Variants in RAP1GAP2 observed in about 807,000 individuals in gnomAD.
RAP1GAP2 encodes rap1 GTPase-activating protein 2.
Under a neutral mutation model 95.0 loss-of-function variants are expected in RAP1GAP2, and 27 were observed. The ratio of observed to expected loss-of-function variants is 0.28; its 90% CI spans 0.21 to 0.39. The LOEUF (loss-of-function observed/expected upper bound fraction) is 0.39. Ranked by LOEUF, RAP1GAP2 falls within the 10% of genes least tolerant of loss-of-function variation. RAP1GAP2 has a pLI of 1.00. For synonymous variants in RAP1GAP2, 373 were observed against 380.9 expected (o/e 0.98, Z 0.24); for missense variants, 771 against 970.0 (o/e 0.79, Z 2.72).
chr17:2,830,631 T>G (rs1324947856), intron 2 of RAP1GAP2, among the ~76,000 whole-genome samples: 1 of 151,776 alleles, frequency 6.6e-6, no homozygotes, highest in East Asian at 1.9e-4. Flanking sequence ...GGAGAATCGC[T>G]TGAACCTGGG....
chr17:2,910,845 C>T (rs774105371), intron 3 of RAP1GAP2, among the ~76,000 whole-genome samples: 17 of 152,144 alleles, frequency 1.1e-4, no homozygotes, highest in Non-Finnish European at 1.0e-4. Flanking sequence ...CCTGCCCCAG[C>T]GCACCACCAC....
intron 9 of RAP1GAP2, 21 bp from the exon 10 acceptor site, chr17:2,981,174 C>T (rs753666291): frequency 8.7e-6 from 14 of 1,608,892 alleles, no homozygotes; most frequent in East Asian, 4.5e-5. Context: ...CCCTGACCTG[C>T]GTCTTCTTCT....
At chr17:2,789,006 C>T (rs917827186) in intron 1 of RAP1GAP2, among the ~76,000 whole-genome samples, 2 of 152,116 alleles carry the variant, frequency 1.3e-5, no homozygotes, top group Non-Finnish European at 2.9e-5. Context: ...GAGATATTGC[C>T]CAATAGCTAC....
intron 2 of RAP1GAP2, among the ~76,000 whole-genome samples, chr17:2,813,296 C>T (rs1372203928): frequency 6.6e-6 from 1 of 152,026 alleles, no homozygotes; most frequent in African/African-American, 2.4e-5. Context: ...AGGCTGACCT[C>T]GAACTCCTGA....
chr17:2,969,897 TC>T (rs2044782770), intron 8 of RAP1GAP2, among the ~76,000 whole-genome samples: 1 of 152,162 alleles, frequency 6.6e-6, no homozygotes, highest in Non-Finnish European at 1.5e-5. Context: ...TAGAGATTTT[TC>T]CGTATTAGCA....
chr17:2,840,374 G>T (rs1403771291), intron 2 of RAP1GAP2, among the ~76,000 whole-genome samples: 1 of 151,952 alleles, frequency 6.6e-6, no homozygotes, highest in Admixed American at 6.6e-5. Context: ...CATTGGCCAG[G>T]CTGGTCTCAA....
Position 2,995,447 on chromosome 17 carries a change from C to T in RAP1GAP2, c.1025C>T (p.Thr342Ile). Residue 342 changes from threonine (T) to isoleucine (I), a missense_variant, in exon 13 of 25, where the codon ACC becomes ATC. Coordinates refer to ENST00000254695, the MANE Select transcript of RAP1GAP2 (RefSeq NM_015085.5). ...MFHVSTKLPF[T>I]DGDAQQLQRK... is the part of the protein sequence containing the mutation. ...CACGTTTCCACAAAGCTGCCATTTA[C>T]CGACGGAGACGCCCAGCAGGTAACC... 1 of 1,613,864 alleles carries T rather than the reference C, an allele frequency of 6.2e-7. No homozygotes were observed. Among genetic ancestry groups the T allele is most frequent in the Non-Finnish European group, 8.5e-7 (1 of 1,179,808 alleles).
At chr17:2,760,120 C>T (rs905897628) in intron 1 of RAP1GAP2, among the ~76,000 whole-genome samples, 9 of 151,234 alleles carry the variant, frequency 6.0e-5, no homozygotes, top group African/African-American at 1.2e-4. Flanking sequence ...GGTGAAACCC[C>T]GTCTCTACCA....
intron 2 of RAP1GAP2, among the ~76,000 whole-genome samples, chr17:2,830,674 A>T (rs1337517482): frequency 6.6e-6 from 1 of 152,172 alleles, no homozygotes; most frequent in Non-Finnish European, 1.5e-5. Flanking sequence ...AGATCACACC[A>T]CTGCACTCCA....
At position 2,991,327 on chromosome 17, in the gene RAP1GAP2, G is replaced by T; in HGVS notation, c.844G>T (p.Glu282Ter). ...TLEEELFGNN[E>*]ESPAFKEFLD... ...GGAGGAGGAGCTATTTGGGAACAAT[G>T]AGGAGAGCCCAGCTTTTAAGGAGTT... The change falls in exon 12 of 25, where the codon GAG (glutamate) becomes TAG (stop). Residue 282 changes from glutamate (E) to a stop codon, truncating the protein, a stop_gained. Transcript: ENST00000254695. LOFTEE classifies it high-confidence loss of function. The T allele has an allele frequency of 6.2e-7, 1 of 1,606,230 alleles. No individual in the cohort carries two copies. Among genetic ancestry groups the T allele is most frequent in the Non-Finnish European group, 8.5e-7 (1 of 1,176,468 alleles).
chr17:2,786,190 C>G (rs889863375), intron 1 of RAP1GAP2, among the ~76,000 whole-genome samples: 2 of 152,164 alleles, frequency 1.3e-5, no homozygotes, highest in Non-Finnish European at 1.5e-5. Context: ...CGTGAGCCAC[C>G]GCGCCCAGCC....
chr17:2,936,865 C>T (rs1567797388), intron 3 of RAP1GAP2, among the ~76,000 whole-genome samples: 1 of 152,208 alleles, frequency 6.6e-6, no homozygotes, highest in African/African-American at 2.4e-5. Context: ...CCTTGCTCTT[C>T]GTTTTCCGGA....
chr17:2,912,124 C>T (rs2042405926), intron 3 of RAP1GAP2, among the ~76,000 whole-genome samples: 1 of 152,260 alleles, frequency 6.6e-6, no homozygotes, highest in Non-Finnish European at 1.5e-5. Flanking sequence ...GGAATGCCCC[C>T]ACCGCCTCTA....
chr17:2,997,770 A>G (rs1223294101), intron 13 of RAP1GAP2, among the ~76,000 whole-genome samples: 1 of 152,060 alleles, frequency 6.6e-6, no homozygotes, highest in African/African-American at 2.4e-5. Context: ...CAAAAAATAC[A>G]GAAATTAGTG....
rs1361230641 is a variant in RAP1GAP2 at position 2,905,274 on chromosome 17, C to G, written c.81-10C>G. 1 of 1,613,420 alleles carries G rather than the reference C, an allele frequency of 6.2e-7. No individual in the cohort carries two copies. The highest frequency in any genetic ancestry group is 8.5e-7 in the Non-Finnish European group (1 of 1,179,560). On this transcript the variant is annotated splice_polypyrimidine_tract_variant and intron_variant, in intron 2 of 24. Coordinates refer to ENST00000254695, the MANE Select transcript of RAP1GAP2 (RefSeq NM_015085.5). ...CAGGTCCTCACTCACCTCTTTTGGC[C>G]TCTTCACAGGAAGCAGGAGCTGGCC...
chr17:2,845,450 A>G (rs1372721554), intron 2 of RAP1GAP2, among the ~76,000 whole-genome samples: 3 of 152,160 alleles, frequency 2.0e-5, no homozygotes, highest in Non-Finnish European at 2.9e-5. Context: ...TTCATTATAC[A>G]TTTTGGACAA....
chr17:2,764,402 C>T (rs112382013), intron 1 of RAP1GAP2, among the ~76,000 whole-genome samples: 5,778 of 138,456 alleles, frequency 0.042, 163 homozygotes, highest in Middle Eastern at 0.092. Context: ...ATTGCCTGGG[C>T]GACGCAGCAA....
At chr17:2,845,324 C>T (rs562601369) in intron 2 of RAP1GAP2, among the ~76,000 whole-genome samples, 64 of 152,070 alleles carry the variant, frequency 4.2e-4, no homozygotes, top group Non-Finnish European at 6.6e-4. Context: ...TGTATTTTTA[C>T]TAGAGACGGG....
At chr17:2,762,596 T>G (rs2071276189) in intron 1 of RAP1GAP2, among the ~76,000 whole-genome samples, 1 of 151,290 alleles carries the variant, frequency 6.6e-6, no homozygotes, top group African/African-American at 2.4e-5. Context: ...AGATGGGATT[T>G]CACCATGCTG....
Sources: allele counts gnomAD v4.1 joint callset (sites outside exome capture counted in the v4.1 genomes callset), GRCh38; gene constraint gnomAD v4.1.1; transcripts MANE v1.5; gene names NCBI Gene and HGNC (gene_info 2026-07-23, HGNC 2026-07-21).